The following DENND5B variants were observed in gnomAD, a reference collection of about 807,000 sequenced individuals.
DENND5B encodes DENN domain-containing protein 5B.
Under a neutral mutation model 140.6 loss-of-function variants are expected in DENND5B, and 34 were observed. That is an observed-to-expected ratio of 0.24 (90% CI 0.18 to 0.32). The LOEUF is 0.32. DENND5B is among the 10% of genes least tolerant of loss of function. The probability of loss-of-function intolerance (pLI) is 1.00; values close to 1 mark genes in which losing one functional copy is unlikely to be tolerated. For missense variants in DENND5B, 1,142 were observed against 1,560.2 expected, an observed-to-expected ratio of 0.73 and a Z score of 4.52; for synonymous variants, 551 against 562.1, an observed-to-expected ratio of 0.98 and a Z score of 0.28.
At chr12:31,498,087 G>A (rs1409724115) in intron 1 of DENND5B, among the ~76,000 whole-genome samples, 1 of 152,150 alleles carries the variant, frequency 6.6e-6, no homozygotes, top group Non-Finnish European at 1.5e-5. Flanking sequence ...CTAAGCTGCT[G>A]ATAGTGTACT....
rs1018025728 is a variant in DENND5B, at chr12:31,393,597, A to G, written c.3257-901T>C. On this transcript the variant is annotated intron_variant, in intron 17 of 20. Coordinates refer to ENST00000389082, the MANE Select transcript of DENND5B (RefSeq NM_144973.4). The stretch of plus-strand genomic sequence containing the variant: ...ATAGTTCAGATTTTCTTGTAGTTCT[A>G]ATTTACTTAACACACTATAAAGGAA... Among the ~76,000 whole-genome samples, 84 of 152,214 alleles carry G rather than the reference A, an allele frequency of 5.5e-4. 1 individual carries two copies. The highest frequency in any genetic ancestry group is 2.0e-3 in the African/African-American group (81 of 41,464).
chr12:31,571,686 C>T (rs1305782886), intron 1 of DENND5B, among the ~76,000 whole-genome samples: 165 of 152,120 alleles, frequency 1.1e-3, no homozygotes, highest in African/African-American at 4.8e-5. Context: ...GGCACGTTCT[C>T]GGCTCACTGC....
At chr12:31,481,916 T>C (rs1307577303) in intron 2 of DENND5B, among the ~76,000 whole-genome samples, 1 of 152,160 alleles carries the variant, frequency 6.6e-6, no homozygotes, top group Non-Finnish European at 1.5e-5. Flanking sequence ...AGTGAGAGGC[T>C]AGAGGAAGAA....
At chr12:31,545,782 A>G (rs1174792276) in intron 1 of DENND5B, among the ~76,000 whole-genome samples, 1 of 151,816 alleles carries the variant, frequency 6.6e-6, no homozygotes, top group Non-Finnish European at 1.5e-5. Flanking sequence ...AGTGAAACCC[A>G]TGTCTACAAA....
chr12:31,563,484 T>C (rs1374071703), intron 1 of DENND5B, among the ~76,000 whole-genome samples: 1 of 152,158 alleles, frequency 6.6e-6, no homozygotes, highest in Non-Finnish European at 1.5e-5. Context: ...ACTTTAATTG[T>C]AAAGACAAAG....
chr12:31,459,019 C>T (rs1376234181), intron 4 of DENND5B, among the ~76,000 whole-genome samples: 7 of 151,898 alleles, frequency 4.6e-5, no homozygotes, highest in African/African-American at 1.2e-4. Context: ...TTGACACCAG[C>T]CTGACCAACA....
At chr12:31,506,855 C>T (rs1286150870) in intron 1 of DENND5B, among the ~76,000 whole-genome samples, 1 of 152,176 alleles carries the variant, frequency 6.6e-6, no homozygotes, top group East Asian at 1.9e-4. Flanking sequence ...CCTACTTTCC[C>T]CTGCGCATAC....
At chr12:31,573,650 G>A (rs1386442616) in intron 1 of DENND5B, among the ~76,000 whole-genome samples, 1 of 152,204 alleles carries the variant, frequency 6.6e-6, no homozygotes, top group Non-Finnish European at 1.5e-5. Context: ...CTCTTATAAT[G>A]ACTCCATGAT....
intron 1 of DENND5B, among the ~76,000 whole-genome samples, chr12:31,562,335 C>T (rs558865191): frequency 1.6e-4 from 25 of 152,232 alleles, no homozygotes; most frequent in Non-Finnish European, 2.9e-4. Context: ...ATGGGCCGGG[C>T]GCAGCAGCTC....
intron 1 of DENND5B, among the ~76,000 whole-genome samples, chr12:31,528,622 A>G (rs1948169660): frequency 6.6e-6 from 1 of 152,198 alleles, no homozygotes. Context: ...GTATGATACA[A>G]AGAGAGTAAT....
At chr12:31,552,645 C>T (rs960202723) in intron 1 of DENND5B, among the ~76,000 whole-genome samples, 3 of 152,072 alleles carry the variant, frequency 2.0e-5, no homozygotes, top group Non-Finnish European at 2.9e-5. Flanking sequence ...ATGGTACCAG[C>T]TCCTCCTTGT....
At chr12:31,543,432 T>C (rs1214293377) in intron 1 of DENND5B, among the ~76,000 whole-genome samples, 1 of 152,196 alleles carries the variant, frequency 6.6e-6, no homozygotes, top group East Asian at 1.9e-4. Flanking sequence ...TAGATACCTT[T>C]TCAAAGTTTT....
intron 1 of DENND5B, among the ~76,000 whole-genome samples, chr12:31,498,309 A>G (rs976442173): frequency 2.6e-5 from 4 of 152,220 alleles, no homozygotes; most frequent in African/African-American, 9.6e-5. Context: ...TTAAAATAAC[A>G]TTATCTTCAT....
intron 1 of DENND5B, chr12:31,499,589 CTTAATT>C: frequency 1.4e-6 from 2 of 1,479,174 alleles, no homozygotes; most frequent in Non-Finnish European, 1.8e-6. Context: ...CATCCTTGTT[CTTAATT>C]TTATTTTTAC....
At chr12:31,445,612 G>T (rs138215531) in intron 6 of DENND5B, among the ~76,000 whole-genome samples, 1 of 152,006 alleles carries the variant, frequency 6.6e-6, no homozygotes, top group Non-Finnish European at 1.5e-5. Flanking sequence ...GGCTGTGGTG[G>T]GAGGATCACT....
At chr12:31,490,836 T>C (rs1333453528) in intron 2 of DENND5B, among the ~76,000 whole-genome samples, 1 of 152,206 alleles carries the variant, frequency 6.6e-6, no homozygotes, top group Non-Finnish European at 1.5e-5. Flanking sequence ...GTTTACTCTT[T>C]GCTCTTCATT....
intron 8 of DENND5B, chr12:31,432,785 A>G (rs1943566972): frequency 6.2e-6 from 1 of 161,374 alleles, no homozygotes; most frequent in Admixed American, 6.4e-5. Flanking sequence ...AACAAAGCAT[A>G]GGCAAGTACA....
intron 1 of DENND5B, among the ~76,000 whole-genome samples, chr12:31,562,117 T>A (rs571933566): frequency 1.3e-5 from 2 of 152,212 alleles, no homozygotes; most frequent in Non-Finnish European, 2.9e-5. Context: ...TAAACTATTA[T>A]GCTAAACTGT....
chr12:31,433,816 C>T (rs1042538948), intron 7 of DENND5B, among the ~76,000 whole-genome samples: 1 of 146,240 alleles, frequency 6.8e-6, no homozygotes, highest in African/African-American at 2.5e-5. Flanking sequence ...GCCAGTAGTT[C>T]GAGACCAGCC....
Sources: allele counts gnomAD v4.1 joint callset (sites outside exome capture counted in the v4.1 genomes callset), GRCh38; gene constraint gnomAD v4.1.1; transcripts MANE v1.5; gene names NCBI Gene and HGNC (gene_info 2026-07-23, HGNC 2026-07-21).